Variants in CCDC144A observed in about 807,000 individuals in gnomAD.
CCDC144A encodes coiled-coil domain containing 144A.
CCDC144A carries 41 observed loss-of-function variants against 143.8 expected under a neutral mutation model. The ratio of observed to expected loss-of-function variants is 0.29; its 90% CI spans 0.22 to 0.37. The LOEUF (loss-of-function observed/expected upper bound fraction) is 0.37. CCDC144A is among the 10% of genes least tolerant of loss of function. The pLI is 1.00. For missense variants in CCDC144A, 637 were observed against 1,488.8 expected (o/e 0.43, Z 9.41); for synonymous variants, 242 against 517.9 (o/e 0.47, Z 7.23).
chr17:16,728,675 G>A (rs989101900), intron 9 of CCDC144A, among the ~76,000 whole-genome samples: 13 of 152,024 alleles, frequency 8.6e-5, no homozygotes, highest in Non-Finnish European at 1.8e-4. Context: ...ATTTTAGTGT[G>A]CCTATCACCC....
In CCDC144A at chr17:16,724,787, A is replaced by ATTTTTTTTTTTTT. The variant is rs760344292; in HGVS notation, c.1892-2716_1892-2704dup. Reference sequence around the variant, plus strand: ...AGATTACACGTTCTTGATTAACTGAATTTTTTTTTTTTTTTTTTTTTTTTT... The same window carrying ATTTTTTTTTTTTT: ...AGATTACACGTTCTTGATTAACTGAATTTTTTTTTTTTTTTTTTTTTTTTTTTTTTTTTTTTTT... On this transcript the variant is annotated intron_variant, in intron 8 of 16. Transcript: ENST00000399273. Among the ~76,000 whole-genome samples, 6 of 35,112 alleles carry ATTTTTTTTTTTTT rather than the reference A, an allele frequency of 1.7e-4. 2 individuals carry two copies. The highest frequency in any genetic ancestry group is 3.1e-4 in the Non-Finnish European group (6 of 19,348). The allele number at this position is 35,112 out of a possible 152,430, so 23.0% of individuals were successfully genotyped here.
chr17:16,770,653 A>G (rs1915791537), intron 15 of CCDC144A, among the ~76,000 whole-genome samples: 1 of 152,038 alleles, frequency 6.6e-6, no homozygotes, highest in African/African-American at 2.4e-5. Flanking sequence ...AGTGACATTC[A>G]TACGTTTAAG....
intron 12 of CCDC144A, among the ~76,000 whole-genome samples, chr17:16,751,735 G>A (rs1325729858): frequency 5.9e-5 from 9 of 152,350 alleles, no homozygotes; most frequent in Admixed American, 3.9e-4. Flanking sequence ...TCTGCGGGTC[G>A]TCTGTTGATA....
intron 15 of CCDC144A, among the ~76,000 whole-genome samples, chr17:16,767,881 G>C (rs1039376623): frequency 6.6e-6 from 1 of 152,214 alleles, no homozygotes; most frequent in African/African-American, 2.4e-5. Context: ...ACTGTTCCCA[G>C]ACCAAACTGA....
At chr17:16,682,883 G>GTTTTTTTTTTTT in the CCDC144A span, among the ~76,000 whole-genome samples, 76 of 46,452 alleles carry the variant, frequency 1.6e-3, 25 homozygotes, top group Middle Eastern at 0.033. Context: ...TGGATTCTCT[G>GTTTTTTTTTTTT]TTTTTTTTTT....
In CCDC144A at chr17:16,757,614, C is replaced by T. The variant is rs1597588576; in HGVS notation, c.3373-3811C>T. On this transcript the variant is annotated intron_variant, in intron 12 of 16. Coordinates refer to ENST00000399273, the MANE Select transcript of CCDC144A (RefSeq NM_001382000.1). Reference sequence around the variant, plus strand: ...GCTCTCATATGGCTCACATGGGCGCCACCCCTGGTGGGCTTGACAGGCTTG... The same window carrying T: ...GCTCTCATATGGCTCACATGGGCGCTACCCCTGGTGGGCTTGACAGGCTTG... Among the ~76,000 whole-genome samples, 4 of 152,236 alleles carry T rather than the reference C, an allele frequency of 2.6e-5. No homozygotes were observed. The East Asian group carries it at 7.7e-4, about 29-fold the overall frequency.
chr17:16,676,009 A>G, the CCDC144A span, among the ~76,000 whole-genome samples: 5 of 151,956 alleles, frequency 3.3e-5, no homozygotes, highest in African/African-American at 1.2e-4. Context: ...CGGACTTCCA[A>G]AGTGCTGGGA....
At chr17:16,758,308 A>G (rs1915194593) in intron 12 of CCDC144A, among the ~76,000 whole-genome samples, 1 of 152,258 alleles carries the variant, frequency 6.6e-6, no homozygotes, top group Admixed American at 6.5e-5. Context: ...CTCCCATCAC[A>G]CACACACAAG....
chr17:16,698,508 T>A (rs1344851603), intron 2 of CCDC144A, among the ~76,000 whole-genome samples: 1 of 152,206 alleles, frequency 6.6e-6, no homozygotes, highest in Non-Finnish European at 1.5e-5. Flanking sequence ...AGCAGCTCCC[T>A]GTACAGGATC....
At position 16,732,651 on chromosome 17, in the gene CCDC144A, G is replaced by A. The variant is rs770038872; in HGVS notation, c.2403G>A (p.Lys801=). 513 of 1,604,820 alleles carry A rather than the reference G, an allele frequency of 3.2e-4. No individual in the cohort carries two copies. Among genetic ancestry groups the A allele is most frequent in the Non-Finnish European group, 4.1e-4 (486 of 1,175,814 alleles). The part of the protein sequence containing the change: ...SKQKELEMAR[K]KMNSEISHRH... ...AAAAGGAACTAGAAATGGCTCGAAAGAAAATGAATTCTGAGGTATTTTCTT... is the reference window on the plus strand; with the variant it reads ...AAAAGGAACTAGAAATGGCTCGAAAAAAAATGAATTCTGAGGTATTTTCTT... The change falls in exon 11 of 17, where the codon AAG becomes AAA. Residue 801 remains lysine, a synonymous_variant. Coordinates refer to ENST00000399273, the MANE Select transcript of CCDC144A (RefSeq NM_001382000.1).
chr17:16,718,848 T>C (rs1271084755), intron 6 of CCDC144A, among the ~76,000 whole-genome samples: 3 of 127,958 alleles, frequency 2.3e-5, no homozygotes, highest in Non-Finnish European at 4.8e-5. Context: ...TTTTTTTTTT[T>C]TGAGACAGAG....
chr17:16,743,283 C>G (rs988451679), intron 12 of CCDC144A, among the ~76,000 whole-genome samples: 3 of 151,054 alleles, frequency 2.0e-5, no homozygotes, highest in African/African-American at 7.3e-5. Flanking sequence ...AAGATAGGGA[C>G]CTGGTTTCAT....
At chr17:16,722,975 A>T (rs1161217190) in intron 8 of CCDC144A, among the ~76,000 whole-genome samples, 2 of 152,100 alleles carry the variant, frequency 1.3e-5, no homozygotes, top group Non-Finnish European at 2.9e-5. Context: ...TCTTTTTGTA[A>T]TATCATTGTC....
intron 6 of CCDC144A, among the ~76,000 whole-genome samples, chr17:16,715,256 C>A: frequency 6.7e-6 from 1 of 149,250 alleles, no homozygotes; most frequent in Admixed American, 6.7e-5. Flanking sequence ...ATTAAATGAG[C>A]AACTGAAGTT....
At chr17:16,756,568 C>G (rs1210882993) in intron 12 of CCDC144A, among the ~76,000 whole-genome samples, 4 of 147,998 alleles carry the variant, frequency 2.7e-5, no homozygotes. Context: ...TTTCCTGATT[C>G]CTTTGTATTA....
chr17:16,711,819 A>G lies in CCDC144A; in HGVS notation c.1715+4A>G. On this transcript the variant is annotated splice_donor_region_variant and intron_variant, in intron 6 of 16. Coordinates refer to ENST00000399273, the MANE Select transcript of CCDC144A (RefSeq NM_001382000.1). ...AGGAAAATGGAGAGCATGACAGGTA[A>G]GCCTATAGCAGCGTTTAACAGGAGA... 6.3e-7 allele frequency: 1 copy of G among 1,582,158 alleles called. No homozygotes were observed. Among genetic ancestry groups the G allele is most frequent in the South Asian group, 1.1e-5 (1 of 87,806 alleles).
chr17:16,745,848 C>A (rs1914476416), intron 12 of CCDC144A: 2 of 1,599,166 alleles, frequency 1.3e-6, no homozygotes, highest in Non-Finnish European at 1.7e-6. Flanking sequence ...CCCCGGAGCC[C>A]CGCTGTCCTG....
chr17:16,684,640 T>A (rs1344774603), upstream of CCDC144A, among the ~76,000 whole-genome samples: 6 of 148,840 alleles, frequency 4.0e-5, no homozygotes, highest in Non-Finnish European at 8.9e-5. Context: ...AGCAACGATA[T>A]GAGACTCTAA....
rs2694222 is a variant in CCDC144A at position 16,762,344 on chromosome 17, T to A, written c.3698T>A (p.Val1233Glu). 1.2e-6 allele frequency: 2 copies of A among 1,603,832 alleles called. No homozygotes were observed. ...KQAAVSHEQL[V>E]QLREDNTTSI... ...GCAGCAGTATCTCATGAACAGTTAG[T>A]ACAGTTAAGGGAGGATAATACTACT... Residue 1233 changes from valine to glutamate, a missense_variant, in exon 14 of 17, where the codon GTA becomes GAA. Val to Glu is a moderately radical substitution (Grantham distance 121). Transcript: ENST00000399273.
Sources: allele counts gnomAD v4.1 joint callset (sites outside exome capture counted in the v4.1 genomes callset), GRCh38; gene constraint gnomAD v4.1.1; transcripts MANE v1.5; gene names NCBI Gene and HGNC (gene_info 2026-07-23, HGNC 2026-07-21).